Variants in RTN4RL1 observed in about 807,000 individuals in gnomAD.
RTN4RL1 encodes reticulon-4 receptor-like 1.
RTN4RL1 carries 7 observed loss-of-function variants against 25.6 expected under a neutral mutation model. That is an observed-to-expected ratio of 0.27 (90% confidence interval 0.16 to 0.51). The LOEUF (loss-of-function observed/expected upper bound fraction) is 0.51, where lower values mean the gene tolerates loss of function less well. Among genes scored for constraint, RTN4RL1 ranks in the 20% least tolerant of loss-of-function variants. The pLI is 0.97. For synonymous variants in RTN4RL1, 297 were observed against 288.2 expected (o/e 1.03, Z -0.31); for missense variants, 500 against 615.6 (o/e 0.81, Z 1.99).
At chr17:2,011,834 G>C (rs1008703674) in intron 1 of RTN4RL1, among the ~76,000 whole-genome samples, 1 of 152,182 alleles carries the variant, frequency 6.6e-6, no homozygotes, top group African/African-American at 2.4e-5. Context: ...CGAGTCACGT[G>C]TGAGTGGTAA....
At chr17:1,959,782 T>C (rs1185041011) in intron 1 of RTN4RL1, among the ~76,000 whole-genome samples, 1 of 152,050 alleles carries the variant, frequency 6.6e-6, no homozygotes, top group Non-Finnish European at 1.5e-5. Flanking sequence ...CCCAGCTGGT[T>C]TCGAACTCCT....
At chr17:1,961,815 G>T (rs1567510349) in intron 1 of RTN4RL1, among the ~76,000 whole-genome samples, 1 of 147,962 alleles carries the variant, frequency 6.8e-6, no homozygotes, top group African/African-American at 2.5e-5. Flanking sequence ...GGGCGTGGTG[G>T]CATGTGCCTG....
chr17:1,961,507 G>C lies in RTN4RL1; in HGVS notation c.14-23699C>G, dbSNP rs190357232. On this transcript the variant is annotated intron_variant, in intron 1 of 1. Coordinates refer to ENST00000331238, the MANE Select transcript of RTN4RL1 (RefSeq NM_178568.4). ...GAGAGAACATTTAACACAGGTCTGG[G>C]AGTTGGGTTTGATACAACACGTAAG... Among the ~76,000 whole-genome samples the C allele has an allele frequency of 2.0e-5, 3 of 152,210 alleles. No individual in the cohort carries two copies. In the East Asian group the frequency reaches 5.8e-4, roughly 29 times the overall value.
At chr17:2,019,472 A>T (rs2151330765) in intron 1 of RTN4RL1, 1 of 152,358 alleles carries the variant, frequency 6.6e-6, no homozygotes, top group East Asian at 1.9e-4. Flanking sequence ...TCCCAAAGAC[A>T]CGGCCAGAGC....
chr17:2,002,419 A>C lies in RTN4RL1; in HGVS notation c.13+22434T>G, dbSNP rs866445418. ...GCCATTCTCCTGCCTCAGCCTCCCGAGTAGCTGGGACTACAGGCGCCCGCC... is the reference window on the plus strand; with the variant it reads ...GCCATTCTCCTGCCTCAGCCTCCCGCGTAGCTGGGACTACAGGCGCCCGCC... On this transcript the variant is annotated intron_variant, in intron 1 of 1. Coordinates refer to ENST00000331238, the MANE Select transcript of RTN4RL1 (RefSeq NM_178568.4). Among the ~76,000 whole-genome samples, 4 of 150,338 alleles carry C rather than the reference A, an allele frequency of 2.7e-5. No homozygotes were observed. The South Asian group carries it at 6.3e-4, about 24-fold the overall frequency.
chr17:1,987,060 G>A (rs188522910), intron 1 of RTN4RL1, among the ~76,000 whole-genome samples: 3 of 152,308 alleles, frequency 2.0e-5, no homozygotes, highest in Admixed American at 6.5e-5. Context: ...AGGCAGGTGC[G>A]AAGGAGAAAG....
chr17:1,999,887 T>C (rs1396662303), intron 1 of RTN4RL1, among the ~76,000 whole-genome samples: 3 of 152,174 alleles, frequency 2.0e-5, no homozygotes, highest in Non-Finnish European at 4.4e-5. Flanking sequence ...TCTCCTCTCC[T>C]GTCTAGGGCC....
chr17:2,005,801 CTT>C (rs369950675), intron 1 of RTN4RL1, among the ~76,000 whole-genome samples: 16 of 107,614 alleles, frequency 1.5e-4, no homozygotes, highest in Non-Finnish European at 1.3e-4. Context: ...TTCTTTCTTC[CTT>C]TTTTTTTTTT....
chr17:1,960,758 C>T (rs935445907), intron 1 of RTN4RL1, among the ~76,000 whole-genome samples: 2 of 152,118 alleles, frequency 1.3e-5, no homozygotes, highest in Non-Finnish European at 2.9e-5. Context: ...CTTTCTGTCT[C>T]TGTGGATTGG....
rs550102509 is a variant in RTN4RL1, at chr17:2,020,872, TC to T, written c.13+3980del. 3.5e-3 allele frequency among the ~76,000 whole-genome samples: 536 copies of T among 152,274 alleles called. 6 individuals are homozygous for T. The highest frequency in any genetic ancestry group is 0.012 in the African/African-American group (513 of 41,548). On this transcript the variant is annotated intron_variant, in intron 1 of 1. Transcript: ENST00000331238. ...TAGCTCTACACAGGAAAGCCACGGG[TC>T]CCGACCTTAAGTAGAGGCCACTTCT...
At chr17:2,024,818 T>G in intron 1 of RTN4RL1, 35 bp downstream of exon 1, 1 of 1,558,298 alleles carries the variant, frequency 6.4e-7, no homozygotes. Context: ...CCGGAGCGCA[T>G]TCAACTTCAA....
At chr17:1,990,754 G>A (rs994056816) in intron 1 of RTN4RL1, among the ~76,000 whole-genome samples, 2 of 152,036 alleles carry the variant, frequency 1.3e-5, no homozygotes, top group Non-Finnish European at 2.9e-5. Flanking sequence ...AAGGAAGGAA[G>A]GGATTATCAT....
chr17:2,024,152 G>A (rs1567536772), intron 1 of RTN4RL1, among the ~76,000 whole-genome samples: 1 of 152,192 alleles, frequency 6.6e-6, no homozygotes, highest in Non-Finnish European at 1.5e-5. Flanking sequence ...CCGGGCTGCT[G>A]GGGCGTCTAG....
chr17:2,025,296 G>A lies in RTN4RL1; in HGVS notation c.-431C>T, dbSNP rs1369220486. 6.4e-6 allele frequency: 1 copy of A among 156,316 alleles called. No homozygotes were observed. The highest frequency in any genetic ancestry group is 1.4e-5 in the Non-Finnish European group (1 of 71,016). 9.7% of individuals were successfully genotyped at this position (156,316 alleles called of 1,614,324 possible). On this transcript the variant is annotated 5_prime_UTR_variant, in exon 1 of 2. Coordinates refer to ENST00000331238, the MANE Select transcript of RTN4RL1 (RefSeq NM_178568.4). This position sits in a 1 kb window ranked among gnomAD's most constrained non-coding sequence, Gnocchi z 4.8. ...CGCTCGCACGCACCGCCGAGCTCCG[G>A]GGAAAGCGCCCGGCGCGCGTTTGCA...
At chr17:2,008,972 G>T (rs1193147084) in intron 1 of RTN4RL1, among the ~76,000 whole-genome samples, 7 of 152,080 alleles carry the variant, frequency 4.6e-5, no homozygotes, top group Non-Finnish European at 1.0e-4. Flanking sequence ...CTCAGCCCAG[G>T]GTTTACTCAC....
At position 1,946,237 on chromosome 17, in the gene RTN4RL1, G is replaced by A. The variant is rs551583441; in HGVS notation, c.14-8429C>T. Among the ~76,000 whole-genome samples the A allele has an allele frequency of 2.6e-5, 4 of 152,328 alleles. No homozygotes were observed. In the South Asian group the frequency reaches 8.3e-4, roughly 32 times the overall value. On this transcript the variant is annotated intron_variant, in intron 1 of 1. Coordinates refer to ENST00000331238, the MANE Select transcript of RTN4RL1 (RefSeq NM_178568.4). ...CAACCAGGACAGGTCAGTCATCCAG[G>A]TCATTCAGGTCAGGCAAATCCAAGC...
intron 1 of RTN4RL1, among the ~76,000 whole-genome samples, chr17:2,014,058 A>G (rs1467604305): frequency 2.0e-5 from 3 of 152,126 alleles, no homozygotes; most frequent in Non-Finnish European, 4.4e-5. Flanking sequence ...CAAATAAACT[A>G]CTTGCTTGAA....
chr17:1,989,186 G>C (rs559846836), intron 1 of RTN4RL1, among the ~76,000 whole-genome samples: 1 of 152,262 alleles, frequency 6.6e-6, no homozygotes, highest in East Asian at 1.9e-4. Flanking sequence ...AAACGGAGAG[G>C]AGGGGATGGA....
In RTN4RL1 at chr17:1,998,048, C is replaced by A. The variant is rs554720474; in HGVS notation, c.13+26805G>T. 3.3e-5 allele frequency among the ~76,000 whole-genome samples: 5 copies of A among 152,240 alleles called. No homozygotes were observed. The East Asian group carries it at 7.7e-4, about 24-fold the overall frequency. On this transcript the variant is annotated intron_variant, in intron 1 of 1. Transcript: ENST00000331238. This position sits in a 1 kb window ranked among gnomAD's most constrained non-coding sequence, Gnocchi z 4.9. ...GGCGCCCCACCCCCACCCCCGCCTCCGCCCCAGGCCGCGATCGATCCCGGC... is the reference window on the plus strand; with the variant it reads ...GGCGCCCCACCCCCACCCCCGCCTCAGCCCCAGGCCGCGATCGATCCCGGC...
Sources: gnomAD v4.1 joint callset for allele counts (sites outside exome capture counted in the v4.1 genomes callset) on GRCh38, gnomAD v4.1.1 for gene constraint, Gnocchi (gnomAD v3.1) non-coding constraint, MANE v1.5 for transcripts, NCBI Gene and HGNC (gene_info 2026-07-23, HGNC 2026-07-21) for gene names.